SASH1: variants seen among roughly 807,000 people sequenced by gnomAD.
SASH1 encodes SAM and SH3 domain-containing protein 1.
Under a neutral mutation model 125.2 loss-of-function variants are expected in SASH1, and 44 were observed. The observed-to-expected ratio is 0.35, with a 90% confidence interval of 0.28 to 0.45. The LOEUF (loss-of-function observed/expected upper bound fraction) is 0.45, where lower values mean the gene tolerates loss of function less well. Ranked by LOEUF, SASH1 falls within the 20% of genes least tolerant of loss-of-function variation. The pLI, the probability that SASH1 is intolerant of heterozygous loss-of-function variation, is 1.00. For missense variants in SASH1, 1,426 were observed against 1,614.5 expected (o/e 0.88, Z 2.00); for synonymous variants, 639 against 649.1 (o/e 0.98, Z 0.24).
chr6:148,322,352 A>AAATAAAATAAAAT (rs904387122), intron 1 of SASH1, among the ~76,000 whole-genome samples: 1 of 152,160 alleles, frequency 6.6e-6, no homozygotes, highest in African/African-American at 2.4e-5. Context: ...ACTCAGTCTC[A>AAATAAAATAAAAT]AATAAAATAA....
At chr6:148,474,447 TA>T (rs1268539181) in intron 7 of SASH1, among the ~76,000 whole-genome samples, 1 of 152,166 alleles carries the variant, frequency 6.6e-6, no homozygotes, top group Non-Finnish European at 1.5e-5. Flanking sequence ...TGGACCACAT[TA>T]ATGAGGAAAA....
the SASH1 span, among the ~76,000 whole-genome samples, chr6:148,239,059 C>T: frequency 1.3e-5 from 2 of 152,160 alleles, no homozygotes; most frequent in African/African-American, 2.4e-5. Flanking sequence ...GTTAGCTCAA[C>T]TAGGGACATT....
chr6:148,214,128 G>C, the SASH1 span, among the ~76,000 whole-genome samples: 1 of 152,138 alleles, frequency 6.6e-6, no homozygotes, highest in Non-Finnish European at 1.5e-5. Flanking sequence ...TCCACACCAA[G>C]TGCAATATAT....
intron 2 of SASH1, among the ~76,000 whole-genome samples, chr6:148,421,840 A>C (rs1424325639): frequency 6.6e-6 from 1 of 152,110 alleles, no homozygotes; most frequent in African/African-American, 2.4e-5. Flanking sequence ...GAGCACACAT[A>C]TTTTTCTATC....
the SASH1 span, among the ~76,000 whole-genome samples, chr6:148,264,154 C>T: frequency 7.3e-6 from 1 of 136,662 alleles, no homozygotes; most frequent in East Asian, 2.1e-4. Context: ...TTTGAAAGGA[C>T]TCTGTTATCT....
the SASH1 span, among the ~76,000 whole-genome samples, chr6:148,205,487 CT>C: frequency 6.6e-6 from 1 of 152,150 alleles, no homozygotes; most frequent in African/African-American, 2.4e-5. Context: ...TTCTGTGTTT[CT>C]TATCATCATA....
chr6:148,325,339 C>A (rs907061626), intron 1 of SASH1, among the ~76,000 whole-genome samples: 1 of 151,818 alleles, frequency 6.6e-6, no homozygotes, highest in East Asian at 1.9e-4. Context: ...GCAAGTGTCG[C>A]GATTTTGGCT....
intron 8 of SASH1, among the ~76,000 whole-genome samples, chr6:148,499,017 T>C (rs544020528): frequency 6.6e-6 from 1 of 152,156 alleles, no homozygotes; most frequent in African/African-American, 2.4e-5. Flanking sequence ...TCCATTTGAA[T>C]GTTGTCACAA....
intron 16 of SASH1, among the ~76,000 whole-genome samples, chr6:148,537,903 T>G (rs906765794): frequency 6.6e-6 from 1 of 151,444 alleles, no homozygotes; most frequent in African/African-American, 2.4e-5. Context: ...CAGGTCATGC[T>G]CAAATGGGGT....
the SASH1 span, among the ~76,000 whole-genome samples, chr6:148,234,894 TG>T: frequency 6.6e-6 from 1 of 150,842 alleles, no homozygotes; most frequent in Non-Finnish European, 1.5e-5. Flanking sequence ...GAGAACCTGG[TG>T]GGGTCTGAAA....
At chr6:148,422,267 G>A (rs1785134799) in intron 2 of SASH1, among the ~76,000 whole-genome samples, 1 of 152,242 alleles carries the variant, frequency 6.6e-6, no homozygotes, top group Non-Finnish European at 1.5e-5. Context: ...AGGCATGTGA[G>A]CATGGAGATG....
the SASH1 span, among the ~76,000 whole-genome samples, chr6:148,203,575 A>G: frequency 6.6e-6 from 1 of 152,176 alleles, no homozygotes; most frequent in Non-Finnish European, 1.5e-5. Context: ...AGGAGAAAAA[A>G]CACTTATATT....
intron 12 of SASH1, among the ~76,000 whole-genome samples, chr6:148,528,158 G>A (rs1321081442): frequency 6.6e-6 from 1 of 152,118 alleles, no homozygotes; most frequent in African/African-American, 2.4e-5. Flanking sequence ...ATGAAGGAAG[G>A]TATCATAGAA....
At chr6:148,450,823 T>C (rs6920008) in intron 4 of SASH1, among the ~76,000 whole-genome samples, 79,327 of 151,844 alleles carry the variant, frequency 0.52, 21,293 homozygotes, top group Non-Finnish European at 0.6. Flanking sequence ...GGAATTAAGA[T>C]GCCCTACCTG....
intron 1 of SASH1, among the ~76,000 whole-genome samples, 161 bp from the exon 2 acceptor site, chr6:148,389,973 G>A (rs559183775): frequency 6.6e-6 from 1 of 152,320 alleles, no homozygotes; most frequent in African/African-American, 2.4e-5. Flanking sequence ...GGGCTGTCCT[G>A]AGGGTTAGGA....
At chr6:148,351,069 T>C (rs2114664811) in intron 1 of SASH1, among the ~76,000 whole-genome samples, 1 of 152,238 alleles carries the variant, frequency 6.6e-6, no homozygotes, top group South Asian at 2.1e-4. Flanking sequence ...TTTCCTGCCA[T>C]GTCAAGTCAT....
chr6:148,431,559 GAGA>G (rs1460982958), intron 2 of SASH1, among the ~76,000 whole-genome samples: 1 of 152,102 alleles, frequency 6.6e-6, no homozygotes, highest in Non-Finnish European at 1.5e-5. Flanking sequence ...GACTGGAATA[GAGA>G]AGTCAGACAA....
intron 1 of SASH1, among the ~76,000 whole-genome samples, chr6:148,296,431 G>A (rs1779767256): frequency 6.6e-6 from 1 of 152,076 alleles, no homozygotes; most frequent in African/African-American, 2.4e-5. Flanking sequence ...AGGCCCTTGT[G>A]TATTATTATC....
chr6:148,387,618 T>C lies in SASH1; in HGVS notation c.157-2516T>C, dbSNP rs1393352860. On this transcript the variant is annotated intron_variant, in intron 1 of 19. Coordinates refer to ENST00000367467, the MANE Select transcript of SASH1 (RefSeq NM_015278.5). ...TTTCTTTCTTTCTTTCTTTCTTTCT[T>C]TCTTTCTTTCTTTCTTTCTTTCTTT... Among the ~76,000 whole-genome samples the C allele has an allele frequency of 9.6e-4, 27 of 28,210 alleles. 5 individuals are homozygous for C. The highest frequency in any genetic ancestry group is 1.2e-3 in the Non-Finnish European group (17 of 14,024). The allele number at this position is 28,210 out of a possible 152,430, so 18.5% of individuals were successfully genotyped here.
Sources: gnomAD v4.1 joint callset for allele counts (sites outside exome capture counted in the v4.1 genomes callset) on GRCh38, gnomAD v4.1.1 for gene constraint, MANE v1.5 for transcripts, NCBI Gene and HGNC (gene_info 2026-07-23, HGNC 2026-07-21) for gene names.